Variants in CLASRP observed in about 807,000 individuals in gnomAD.
The protein encoded by CLASRP is CLK4 associating serine/arginine rich protein, also known as CLK4-associating serine/arginine rich protein.
A neutral mutation model predicts 99.9 loss-of-function variants in CLASRP; 52 were observed. The ratio of observed to expected loss-of-function variants is 0.52; its 90% CI spans 0.42 to 0.66. The LOEUF is 0.66. Ranked by LOEUF, CLASRP falls within the 30% of genes least tolerant of loss-of-function variation. CLASRP has a pLI of 0.00. For missense variants in CLASRP, 848 were observed against 999.2 expected, an observed-to-expected ratio of 0.85 and a Z score of 2.04; for synonymous variants, 379 against 373.0, an observed-to-expected ratio of 1.02 and a Z score of -0.18.
At position 45,040,511 on chromosome 19, in the gene CLASRP, G is replaced by T; in HGVS notation, c.99+200G>T. On this transcript the variant is annotated intron_variant, in intron 2 of 20. Coordinates refer to ENST00000221455, the MANE Select transcript of CLASRP (RefSeq NM_007056.3). ...TTTGTTGTAGCATACTGTGTCGTTT[G>T]GTGTGGCCTCCCAGTGCCGATCCGG... is the stretch of plus-strand genomic sequence containing the variant. 8.4e-6 allele frequency: 4 copies of T among 477,610 alleles called. No individual in the cohort carries two copies. The South Asian group carries it at 8.6e-5, about 10-fold the overall frequency. 29.6% of individuals were successfully genotyped at this position (477,610 alleles called of 1,614,324 possible).
At chr19:45,062,251 A>G in intron 11 of CLASRP, 56 bp downstream of exon 11, 1 of 972,000 alleles carries the variant, frequency 1.0e-6, no homozygotes, top group East Asian at 2.4e-5. Context: ...TGATGGGGAC[A>G]GGGGTGCTGA....
intron 2 of CLASRP, among the ~76,000 whole-genome samples, chr19:45,041,866 C>G (rs913440589): frequency 6.6e-6 from 1 of 152,206 alleles, no homozygotes; most frequent in African/African-American, 2.4e-5. Flanking sequence ...TCCACTGACC[C>G]AAGCGCTCCC....
rs973927376 is a variant in CLASRP, at chr19:45,069,381, C to T, written c.1874+133C>T. On this transcript the variant is annotated intron_variant, in intron 18 of 20. Coordinates refer to ENST00000221455, the MANE Select transcript of CLASRP (RefSeq NM_007056.3). ...AAGGCAGAGATCCCTGCCTGGCCCT[C>T]GGGGCTGTGCCCAGCTGCCTCTCTT... 1.2e-4 allele frequency: 103 copies of T among 884,192 alleles called. 1 individual carries two copies. The Middle Eastern group carries it at 1.3e-3, about 11-fold the overall frequency. The allele number at this position is 884,192 out of a possible 1,614,324, so 54.8% of individuals were successfully genotyped here.
Position 45,070,786 on chromosome 19 carries a change from T to C in CLASRP, c.1983-17T>C, listed in dbSNP as rs1482401831. On this transcript the variant is annotated splice_polypyrimidine_tract_variant and intron_variant, in intron 20 of 20. Transcript: ENST00000221455. ...GTGTATGCCCCATCCTCACGGCCCC[T>C]CCCTTTCTCTTTCCAGGCGCTCAAG... 1.3e-6 allele frequency: 2 copies of C among 1,573,934 alleles called. No homozygotes were observed. The highest frequency in any genetic ancestry group is 4.7e-5 in the East Asian group (2 of 42,710).
chr19:45,057,286 AC>A (rs1384081396), intron 6 of CLASRP, among the ~76,000 whole-genome samples: 1 of 152,056 alleles, frequency 6.6e-6, no homozygotes, highest in African/African-American at 2.4e-5. Flanking sequence ...GCCTTCCTCC[AC>A]TGGGAGGGGT....
chr19:45,063,758 C>T (rs1003966018), intron 11 of CLASRP, among the ~76,000 whole-genome samples: 3 of 152,016 alleles, frequency 2.0e-5, no homozygotes, highest in African/African-American at 7.2e-5. Flanking sequence ...CCTGCTCATC[C>T]ATTTTTCATA....
chr19:45,069,185 A>G lies in CLASRP; in HGVS notation c.1828-17A>G. The G allele has an allele frequency of 6.2e-7, 1 of 1,614,134 alleles. No individual in the cohort carries two copies. The highest frequency in any genetic ancestry group is 1.1e-5 in the South Asian group (1 of 91,088). ...GGTGCTGGCCTGGCCACGTCCTCAT[A>G]GCCCTGTCTGCTGCAGGAGCGGGAA... is the stretch of plus-strand genomic sequence containing the variant. On this transcript the variant is annotated splice_polypyrimidine_tract_variant and intron_variant, in intron 17 of 20. Coordinates refer to ENST00000221455, the MANE Select transcript of CLASRP (RefSeq NM_007056.3).
intron 12 of CLASRP, 27 bp downstream of exon 12, chr19:45,064,254 T>C: frequency 6.4e-7 from 1 of 1,552,460 alleles, no homozygotes; most frequent in Non-Finnish European, 8.7e-7. Context: ...CCGCCCGCCC[T>C]ACGCCCCGGT....
chr19:45,053,232 G>A, intron 5 of CLASRP, 55 bp downstream of exon 5: 1 of 1,570,016 alleles, frequency 6.4e-7, no homozygotes, highest in Admixed American at 1.7e-5. Context: ...GAGCCTGGAA[G>A]ACCTAGATAG....
At chr19:45,068,309 T>TGTGCCCCCCCCCC in intron 15 of CLASRP, 111 bp from the exon 16 acceptor site, 2 of 651,148 alleles carry the variant, frequency 3.1e-6, no homozygotes, top group Non-Finnish European at 2.8e-6. Context: ...CCCACGTCGT[T>TGTGCCCCCCCCCC]CTCCCCCCCC....
chr19:45,044,690 A>G (rs1237920784), intron 2 of CLASRP, among the ~76,000 whole-genome samples: 1 of 151,976 alleles, frequency 6.6e-6, no homozygotes, highest in Non-Finnish European at 1.5e-5. Context: ...GAGACCTGGG[A>G]GGGTGGGGCT....
intron 18 of CLASRP, 82 bp downstream of exon 18, chr19:45,069,330 C>T: frequency 7.1e-7 from 1 of 1,404,446 alleles, no homozygotes; most frequent in South Asian, 1.2e-5. Context: ...GGCTCAAGCC[C>T]TGCCCAGCTC....
chr19:45,052,831 T>A lies in CLASRP; in HGVS notation c.238T>A (p.Phe80Ile). 1.2e-6 allele frequency: 2 copies of A among 1,612,620 alleles called. No individual in the cohort carries two copies. The highest frequency in any genetic ancestry group is 1.7e-6 in the Non-Finnish European group (2 of 1,179,452). ...QGDTNNMIDR[F>I]DVRAHLDHIP... ...GGACACCAACAACATGATTGACCGA[T>A]TCGATGTCCGTGCCCACCTGGACCA... The change falls in exon 4 of 21, where the codon TTC (phenylalanine) becomes ATC (isoleucine). Residue 80 changes from phenylalanine to isoleucine, a missense_variant. Physicochemically the swap from Phe to Ile is conservative, Grantham distance 21. Transcript: ENST00000221455.
intron 5 of CLASRP, among the ~76,000 whole-genome samples, chr19:45,054,171 A>G (rs1332972216): frequency 1.3e-5 from 2 of 152,204 alleles, no homozygotes; most frequent in Non-Finnish European, 2.9e-5. Flanking sequence ...TTGGATCCCA[A>G]CAGACTTGGG....
chr19:45,045,031 T>C (rs1192317171), intron 2 of CLASRP, among the ~76,000 whole-genome samples: 1 of 152,208 alleles, frequency 6.6e-6, no homozygotes, highest in East Asian at 1.9e-4. Flanking sequence ...GTTTATTTCT[T>C]AGCCACAGAA....
At chr19:45,062,412 A>G (rs1041497707) in intron 11 of CLASRP, among the ~76,000 whole-genome samples, 2 of 151,986 alleles carry the variant, frequency 1.3e-5, no homozygotes, top group Non-Finnish European at 2.9e-5. Flanking sequence ...GAGTCTCGCT[A>G]TGTCGCCCAG....
Position 45,067,307 on chromosome 19 carries a change from A to C in CLASRP, c.1410-30A>C. 1 of 1,471,428 alleles carries C rather than the reference A, an allele frequency of 6.8e-7. No individual in the cohort carries two copies. Among genetic ancestry groups the C allele is most frequent in the Non-Finnish European group, 9.0e-7 (1 of 1,114,830 alleles). The allele number at this position is 1,471,428 out of a possible 1,614,324, so 91.1% of individuals were successfully genotyped here. A position where few individuals can be genotyped will look rare whatever the true frequency, so the allele number is the denominator to read the frequency against. ...GCGGTTGGGGTCCCTGGAGCCTCAC[A>C]GTCCTCCTCCCGCCCTGCTGCATCC... On this transcript the variant is annotated intron_variant, in intron 13 of 20. Transcript: ENST00000221455. The surrounding 1 kb of genome is among the most constrained non-coding windows in gnomAD (Gnocchi z 4.9).
Position 45,053,098 on chromosome 19 carries a change from C to A in CLASRP, c.300C>A (p.Ile100=). 1.2e-6 allele frequency: 2 copies of A among 1,614,014 alleles called. No homozygotes were observed. Among genetic ancestry groups the A allele is most frequent in the Non-Finnish European group, 1.7e-6 (2 of 1,179,998 alleles). ...PDYTPPLLTT[I]SPEQESDERK... ...TTCAAGGTCTCGCCCTTCCCTAAAGCTCCCCAGAACAGGAGTCGGACGAAC... is the reference window on the plus strand; with the variant it reads ...TTCAAGGTCTCGCCCTTCCCTAAAGATCCCCAGAACAGGAGTCGGACGAAC... Residue 100 remains isoleucine (I), a splice_region_variant and synonymous_variant, in exon 5 of 21, where the codon ATC becomes ATA. Coordinates refer to ENST00000221455, the MANE Select transcript of CLASRP (RefSeq NM_007056.3).
chr19:45,045,535 A>G (rs1469299968), intron 2 of CLASRP, among the ~76,000 whole-genome samples: 1 of 151,724 alleles, frequency 6.6e-6, no homozygotes, highest in African/African-American at 2.4e-5. Context: ...AAGTTTCGGG[A>G]TGTTTTCCCG....
Sources: gnomAD v4.1 joint callset for allele counts (sites outside exome capture counted in the v4.1 genomes callset) on GRCh38, gnomAD v4.1.1 for gene constraint, Gnocchi (gnomAD v3.1) non-coding constraint, MANE v1.5 for transcripts, NCBI Gene and HGNC (gene_info 2026-07-23, HGNC 2026-07-21) for gene names.